The following MAF variants were observed in gnomAD, a reference collection of about 807,000 sequenced individuals.
MAF encodes the protein transcription factor Maf.
In MAF, 10 loss-of-function variants were observed where a neutral mutation model predicts 22.0. The observed-to-expected ratio is 0.45, with a 90% CI of 0.28 to 0.77. MAF has a LOEUF of 0.77. Ranked by LOEUF, MAF falls within the 30% of genes least tolerant of loss-of-function variation. The pLI is 0.12. For missense variants in MAF, 544 were observed against 548.4 expected, an observed-to-expected ratio of 0.99 and a Z score of 0.08; for synonymous variants, 337 against 255.8, an observed-to-expected ratio of 1.32 and a Z score of -3.03.
the MAF span, chr16:79,212,861 G>C: frequency 6.6e-6 from 1 of 152,086 alleles, no homozygotes; most frequent in African/African-American, 2.4e-5. Flanking sequence ...GGCTGTCCGT[G>C]GGCCAAGTTG....
At chr16:79,344,170 G>T in the MAF span, among the ~76,000 whole-genome samples, 3 of 152,278 alleles carry the variant, frequency 2.0e-5, no homozygotes, top group South Asian at 6.2e-4. Flanking sequence ...CTCTAGGAGG[G>T]ATGAAAATTG....
chr16:79,382,120 C>T, the MAF span, among the ~76,000 whole-genome samples: 2 of 152,156 alleles, frequency 1.3e-5, no homozygotes, highest in African/African-American at 4.8e-5. Context: ...GATTCTGAAT[C>T]TTGTTCCAAA....
the MAF span, among the ~76,000 whole-genome samples, chr16:79,413,599 A>T: frequency 2.0e-5 from 3 of 152,110 alleles, no homozygotes; most frequent in African/African-American, 7.2e-5. Flanking sequence ...TTAACCAGGG[A>T]TAAAAATGAG....
At chr16:79,375,846 G>C in the MAF span, among the ~76,000 whole-genome samples, 2 of 152,236 alleles carry the variant, frequency 1.3e-5, no homozygotes, top group East Asian at 3.9e-4. Flanking sequence ...CTCTGAACCT[G>C]GGAAGCATAC....
chr16:79,450,203 C>T, the MAF span, among the ~76,000 whole-genome samples: 12 of 152,174 alleles, frequency 7.9e-5, no homozygotes, highest in Admixed American at 2.6e-4. Flanking sequence ...CAAATAAACC[C>T]GCTTGCATTC....
At chr16:79,583,175 A>G (rs1234916857), downstream of MAF, among the ~76,000 whole-genome samples, 1 of 152,232 alleles carries the variant, frequency 6.6e-6, no homozygotes, top group Non-Finnish European at 1.5e-5. Context: ...CGGGCAACAC[A>G]GAAGGACAGG....
chr16:79,432,463 T>C, the MAF span, among the ~76,000 whole-genome samples: 10,701 of 152,222 alleles, frequency 0.07, 444 homozygotes, highest in East Asian at 0.16. Flanking sequence ...ATTAACAACA[T>C]TAATTATAAA....
the MAF span, among the ~76,000 whole-genome samples, chr16:79,426,210 GAA>G: frequency 6.8e-6 from 1 of 146,934 alleles, no homozygotes. Flanking sequence ...CATCTCAAAA[GAA>G]AAAAAAAAAA....
chr16:79,209,294 A>G, the MAF span, among the ~76,000 whole-genome samples: 1 of 152,256 alleles, frequency 6.6e-6, no homozygotes, highest in Admixed American at 6.5e-5. Context: ...ATGGGACTGC[A>G]GAATTTCTTA....
chr16:79,257,070 G>A, the MAF span, among the ~76,000 whole-genome samples: 1 of 152,202 alleles, frequency 6.6e-6, no homozygotes, highest in Admixed American at 6.5e-5. Flanking sequence ...TTGGTTACTC[G>A]GGAGGCTGAG....
chr16:79,384,839 C>T, the MAF span, among the ~76,000 whole-genome samples: 2 of 152,344 alleles, frequency 1.3e-5, no homozygotes, highest in Middle Eastern at 3.4e-3. Context: ...TACACGAATA[C>T]TGTCCTCCAG....
At chr16:79,595,516 G>A (rs1400198886) in intron 1 of MAF, 6 of 1,059,826 alleles carry the variant, frequency 5.7e-6, no homozygotes, top group Non-Finnish European at 6.9e-6. Context: ...TGGTGTGCTA[G>A]GGGAAGATGA....
chr16:79,597,071 A>T (rs1323297313), intron 1 of MAF: 2 of 1,058,140 alleles, frequency 1.9e-6, no homozygotes, highest in Non-Finnish European at 2.3e-6. Flanking sequence ...CAAAGACTAC[A>T]CATACCCAAC....
chr16:79,423,000 G>A, the MAF span, among the ~76,000 whole-genome samples: 1 of 152,138 alleles, frequency 6.6e-6, no homozygotes, highest in Non-Finnish European at 1.5e-5. Context: ...AAGCAGGAAA[G>A]GAAACTTTGA....
chr16:79,444,894 A>C, the MAF span, among the ~76,000 whole-genome samples: 1 of 152,226 alleles, frequency 6.6e-6, no homozygotes, highest in Non-Finnish European at 1.5e-5. Flanking sequence ...GGATCAACAT[A>C]TGAGGAAATC....
chr16:79,296,677 C>G, the MAF span, among the ~76,000 whole-genome samples: 9 of 151,032 alleles, frequency 6.0e-5, no homozygotes, highest in Non-Finnish European at 1.5e-5. Context: ...ACATTAGAGT[C>G]TTGATCTAAT....
chr16:79,271,088 T>TTTTTTTTTTTTAG, the MAF span, among the ~76,000 whole-genome samples: 1 of 143,046 alleles, frequency 7.0e-6, no homozygotes, highest in Non-Finnish European at 1.5e-5. Context: ...TTTTTATTTT[T>TTTTTTTTTTTTAG]TATTTTTAGT....
At chr16:79,564,905 G>C in the MAF span, among the ~76,000 whole-genome samples, 26 of 152,318 alleles carry the variant, frequency 1.7e-4, no homozygotes, top group African/African-American at 6.3e-4. Flanking sequence ...AAGGAATAAA[G>C]GGCTGCACAC....
the MAF span, among the ~76,000 whole-genome samples, chr16:79,534,620 G>T: frequency 2.6e-5 from 4 of 152,196 alleles, no homozygotes; most frequent in African/African-American, 9.6e-5. Flanking sequence ...ATAGCGTTAG[G>T]AGAAATACCT....
Sources: allele counts gnomAD v4.1 joint callset (sites outside exome capture counted in the v4.1 genomes callset), GRCh38; gene constraint gnomAD v4.1.1; transcripts MANE v1.5; gene names NCBI Gene and HGNC (gene_info 2026-07-23, HGNC 2026-07-21).